TMEM168: variants seen among roughly 807,000 people sequenced by gnomAD.
TMEM168 encodes the protein transmembrane protein 168.
A neutral mutation model predicts 53.2 loss-of-function variants in TMEM168; 40 were observed. The observed-to-expected ratio is 0.75, with a 90% CI of 0.58 to 0.98. The LOEUF is 0.98. Among genes scored for constraint, TMEM168 ranks in the 50% least tolerant of loss-of-function variants. TMEM168 has a pLI of 0.00. For missense variants in TMEM168, 771 were observed against 828.8 expected (o/e 0.93, Z 0.86); for synonymous variants, 282 against 293.0 (o/e 0.96, Z 0.38).
intron 2 of TMEM168, among the ~76,000 whole-genome samples, chr7:112,781,687 A>C (rs2116286288): frequency 6.6e-6 from 1 of 152,118 alleles, no homozygotes; most frequent in African/African-American, 2.4e-5. Flanking sequence ...GCTGGGAACA[A>C]TGAGATCTAT....
rs752103834 is a variant in TMEM168, at chr7:112,767,677, G to A, written c.1614C>T (p.Ser538=). The change falls in exon 5 of 5, where the codon TCC becomes TCT. Residue 538 remains serine (S), a synonymous_variant. Transcript: ENST00000312814. ...WWREKNGSFC[S]RLIIVLDSEN... is the part of the protein sequence containing the mutation. ...CGCTGTCTAATACGATAATAAGCCG[G>A]GAACAAAAGGAACCATTCTTTTCTC... 6.2e-7 allele frequency: 1 copy of A among 1,613,936 alleles called. No individual in the cohort carries two copies. Among genetic ancestry groups the A allele is most frequent in the African/African-American group, 1.3e-5 (1 of 74,990 alleles).
intron 4 of TMEM168, among the ~76,000 whole-genome samples, chr7:112,768,795 C>T (rs1324103717): frequency 1.3e-5 from 2 of 151,884 alleles, no homozygotes; most frequent in African/African-American, 4.8e-5. Context: ...AAAGAACAGA[C>T]ATAGGGACAA....
In TMEM168 at chr7:112,764,723, C is replaced by T. The variant is rs1023333282; in HGVS notation, c.*2474G>A. ...ACCATGTTGGCCAGATGGTCTCCAT[C>T]TCTTGACCTTTTGATCCACCTGCCT... On this transcript the variant is annotated 3_prime_UTR_variant, in exon 5 of 5. Transcript: ENST00000312814. 2.6e-5 allele frequency: 4 copies of T among 151,978 alleles called. No individual in the cohort carries two copies. The highest frequency in any genetic ancestry group is 9.7e-5 in the African/African-American group (4 of 41,322). The allele number at this position is 151,978 out of a possible 1,614,324, so 9.4% of individuals were successfully genotyped here.
chr7:112,770,267 G>A (rs1378047968), intron 4 of TMEM168, among the ~76,000 whole-genome samples: 1 of 152,164 alleles, frequency 6.6e-6, no homozygotes, highest in Non-Finnish European at 1.5e-5. Context: ...CCACAAGTAT[G>A]CGAGATGCCT....
chr7:112,781,962 G>C (rs1793244120), intron 2 of TMEM168, among the ~76,000 whole-genome samples: 1 of 152,140 alleles, frequency 6.6e-6, no homozygotes, highest in Non-Finnish European at 1.5e-5. Context: ...AGAAGCCACA[G>C]ACTGGGAGTA....
In TMEM168 at chr7:112,764,591, C is replaced by T. The variant is rs929810834; in HGVS notation, c.*2606G>A. 8 of 151,354 alleles carry T rather than the reference C, an allele frequency of 5.3e-5. No individual in the cohort carries two copies. Among genetic ancestry groups the T allele is most frequent in the African/African-American group, 1.9e-4 (8 of 41,092 alleles). The allele number at this position is 151,354 out of a possible 1,614,324, so 9.4% of individuals were successfully genotyped here. A position where few individuals can be genotyped will look rare whatever the true frequency, so the allele number is the denominator to read the frequency against. ...TCTCGGCTCACTGCAACCTCTGCCT[C>T]CCCGGTTCAAGAGATTCTCCTGCCT... On this transcript the variant is annotated 3_prime_UTR_variant, in exon 5 of 5. Coordinates refer to ENST00000312814, the MANE Select transcript of TMEM168 (RefSeq NM_022484.6).
chr7:112,768,711 C>A (rs543169043), intron 4 of TMEM168, among the ~76,000 whole-genome samples: 1 of 151,542 alleles, frequency 6.6e-6, no homozygotes, highest in African/African-American at 2.4e-5. Context: ...GCAACTGCCA[C>A]CCTCACCTCA....
rs1361401069 is a variant in TMEM168 at position 112,778,694 on chromosome 7, A to C, written c.1129-3376T>G. On this transcript the variant is annotated intron_variant, in intron 2 of 4. Coordinates refer to ENST00000312814, the MANE Select transcript of TMEM168 (RefSeq NM_022484.6). ...TGTAGATGACTTAAATGAAAAGCCTAATAATTCAAAATTCCAATTAAAATG... is the reference window on the plus strand; with the variant it reads ...TGTAGATGACTTAAATGAAAAGCCTCATAATTCAAAATTCCAATTAAAATG... The C allele has an allele frequency of 2.0e-5, 3 of 152,206 alleles. No homozygotes were observed. The East Asian group carries it at 5.8e-4, about 29-fold the overall frequency. 9.4% of individuals were successfully genotyped at this position (152,206 alleles called of 1,614,324 possible).
rs146216436 is a variant in TMEM168, at chr7:112,784,025, G to A, written c.801C>T (p.Val267=). 95 of 1,612,880 alleles carry A rather than the reference G, an allele frequency of 5.9e-5. No homozygotes were observed. Among genetic ancestry groups the A allele is most frequent in the African/African-American group, 2.5e-4 (19 of 74,836 alleles). ...TAAGCTCAATCATTCCAGCAAAAAC[G>A]ACTGAAAGTCTTCTGCAAATTCTTC... The part of the protein sequence containing the change: ...YRGRICRRLS[V]VFAGMIELTF... Residue 267 remains valine (V), a synonymous_variant, in exon 2 of 5, where the codon GTC becomes GTT. Transcript: ENST00000312814.
At chr7:112,783,517 A>G (rs1204780025) in intron 2 of TMEM168, among the ~76,000 whole-genome samples, 181 bp downstream of exon 2, 1 of 152,252 alleles carries the variant, frequency 6.6e-6, no homozygotes, top group Non-Finnish European at 1.5e-5. Context: ...CCTCTTTGCT[A>G]GAGATCAAAT....
Position 112,773,450 on chromosome 7 carries a change from A to G in TMEM168, c.1272-395T>C, listed in dbSNP as rs1792984793. Among the ~76,000 whole-genome samples, 2 of 152,064 alleles carry G rather than the reference A, an allele frequency of 1.3e-5. 1 individual carries two copies. Among genetic ancestry groups the G allele is most frequent in the South Asian group, 4.1e-4 (2 of 4,834 alleles). Reference sequence around the variant, plus strand: ...AAAACTTCTTTAAAAATATTATAACACAAAATAAAAAAGCAATATTTTAAT... The same window carrying G: ...AAAACTTCTTTAAAAATATTATAACGCAAAATAAAAAAGCAATATTTTAAT... On this transcript the variant is annotated intron_variant, in intron 3 of 4. Transcript: ENST00000312814.
chr7:112,779,034 C>T (rs1317187203), intron 2 of TMEM168, among the ~76,000 whole-genome samples: 1 of 152,018 alleles, frequency 6.6e-6, no homozygotes, highest in Non-Finnish European at 1.5e-5. Flanking sequence ...GGACCACAGG[C>T]ACATGCACCA....
Position 112,784,127 on chromosome 7 carries a change from C to T in TMEM168, c.699G>A (p.Leu233=). The stretch of plus-strand genomic sequence containing the variant: ...AAATGTCAAGGAAAGGATCAGTTAT[C>T]AGGCAAATAAAAAAACACGCAAAAG... The part of the protein sequence containing the change: ...PIAFACFFIC[L]ITDPFLDIYF... The change falls in exon 2 of 5, where the codon CTG becomes CTA. Residue 233 remains leucine (L), a synonymous_variant. Coordinates refer to ENST00000312814, the MANE Select transcript of TMEM168 (RefSeq NM_022484.6). 6.2e-7 allele frequency: 1 copy of T among 1,613,954 alleles called. No homozygotes were observed. Among genetic ancestry groups the T allele is most frequent in the Non-Finnish European group, 8.5e-7 (1 of 1,179,986 alleles).
intron 3 of TMEM168, 102 bp from the exon 4 acceptor site, chr7:112,773,157 AAGTG>A (rs1040889722): frequency 8.0e-7 from 1 of 1,255,370 alleles, no homozygotes; most frequent in African/African-American, 1.5e-5. Context: ...AGTTGCTGCT[AAGTG>A]GCAGGATTTT....
intron 4 of TMEM168, among the ~76,000 whole-genome samples, chr7:112,771,648 A>T (rs1792932509): frequency 6.6e-6 from 1 of 152,150 alleles, no homozygotes; most frequent in African/African-American, 2.4e-5. Context: ...CAAATCTGGC[A>T]TGAAATCAAT....
chr7:112,779,965 G>A (rs910656476), intron 2 of TMEM168, among the ~76,000 whole-genome samples: 12 of 152,220 alleles, frequency 7.9e-5, no homozygotes, highest in African/African-American at 2.4e-4. Flanking sequence ...CGTAAATGCG[G>A]CAATATATAA....
intron 2 of TMEM168, chr7:112,778,480 G>A (rs561090161): frequency 1.4e-4 from 21 of 152,178 alleles, no homozygotes; most frequent in African/African-American, 4.8e-4. Context: ...TTATGTTTCT[G>A]TTCTTACAAA....
At chr7:112,789,871 G>C (rs186858772) in intron 1 of TMEM168, among the ~76,000 whole-genome samples, 1 of 152,348 alleles carries the variant, frequency 6.6e-6, no homozygotes, top group African/African-American at 2.4e-5. Flanking sequence ...CCTCCTTCTA[G>C]CGAGATGTGG....
chr7:112,784,474 C>T lies in TMEM168; in HGVS notation c.352G>A (p.Val118Ile), dbSNP rs951981100. The change falls in exon 2 of 5, where the codon GTA (valine) becomes ATA (isoleucine). Residue 118 changes from valine to isoleucine, a missense_variant. Transcript: ENST00000312814. ...FLDNSSFKND[V>I]KEESTKYLLL... ...AAATATTTGGTTGATTCTTCTTTTACATCATTTTTAAAGGATGAATTATCA... is the reference window on the plus strand; with the variant it reads ...AAATATTTGGTTGATTCTTCTTTTATATCATTTTTAAAGGATGAATTATCA... 6.2e-7 allele frequency: 1 copy of T among 1,613,922 alleles called. No homozygotes were observed. Among genetic ancestry groups the T allele is most frequent in the African/African-American group, 1.3e-5 (1 of 74,904 alleles).
Sources: gnomAD v4.1 joint callset for allele counts (sites outside exome capture counted in the v4.1 genomes callset) on GRCh38, gnomAD v4.1.1 for gene constraint, MANE v1.5 for transcripts, NCBI Gene and HGNC (gene_info 2026-07-23, HGNC 2026-07-21) for gene names.